Variants in ABCA13 observed in about 807,000 individuals in gnomAD.
The protein encoded by ABCA13 is ATP binding cassette subfamily A member 13.
In ABCA13, 476 loss-of-function variants were observed where a neutral mutation model predicts 478.7. The observed-to-expected ratio is 0.99, with a 90% CI of 0.92 to 1.07. The LOEUF is 1.07. Ranked by LOEUF, ABCA13 falls within the 50% of genes least tolerant of loss-of-function variation. The probability of loss-of-function intolerance (pLI) is 0.00; values close to 1 mark genes in which losing one functional copy is unlikely to be tolerated. For missense variants in ABCA13, 6,060 were observed against 5,910.6 expected, an observed-to-expected ratio of 1.03 and a Z score of -0.83; for synonymous variants, 2,252 against 2,158.9, an observed-to-expected ratio of 1.04 and a Z score of -1.20.
At chr7:48,622,441 C>G (rs1793229205) in intron 59 of ABCA13, among the ~76,000 whole-genome samples, 1 of 152,076 alleles carries the variant, frequency 6.6e-6, no homozygotes, top group South Asian at 2.1e-4. Flanking sequence ...TTCTCTTCTC[C>G]CCTTTTACTC....
At chr7:48,560,865 A>C (rs1258209225) in intron 55 of ABCA13, among the ~76,000 whole-genome samples, 1 of 152,008 alleles carries the variant, frequency 6.6e-6, no homozygotes, top group African/African-American at 2.4e-5. Flanking sequence ...GATTCTCTTC[A>C]CCATTCAGTC....
At chr7:48,323,575 T>C (rs1803844475) in intron 27 of ABCA13, among the ~76,000 whole-genome samples, 1 of 152,196 alleles carries the variant, frequency 6.6e-6, no homozygotes, top group African/African-American at 2.4e-5. Flanking sequence ...GTGGATTATC[T>C]CATGTATGCC....
At chr7:48,500,165 C>T (rs547149114) in intron 48 of ABCA13, among the ~76,000 whole-genome samples, 127 of 152,332 alleles carry the variant, frequency 8.3e-4, no homozygotes, top group Non-Finnish European at 1.5e-3. Flanking sequence ...GGCTCCATCA[C>T]GTCTCGTAGG....
chr7:48,297,789 T>TC (rs1464892300), intron 22 of ABCA13, among the ~76,000 whole-genome samples: 6 of 151,146 alleles, frequency 4.0e-5, no homozygotes, highest in African/African-American at 1.5e-4. Flanking sequence ...TTTCTTTCTT[T>TC]TTTTTTTTTT....
chr7:48,401,423 G>A (rs1157636377), intron 38 of ABCA13, among the ~76,000 whole-genome samples: 1 of 152,152 alleles, frequency 6.6e-6, no homozygotes, highest in Non-Finnish European at 1.5e-5. Context: ...ACCTCTCCAA[G>A]ACCAATAACT....
chr7:48,448,012 C>T (rs929583273), intron 42 of ABCA13, among the ~76,000 whole-genome samples: 5 of 152,034 alleles, frequency 3.3e-5, no homozygotes, highest in South Asian at 2.1e-4. Flanking sequence ...CAGATGCCAC[C>T]GTAAGGGCTC....
intron 32 of ABCA13, among the ~76,000 whole-genome samples, chr7:48,370,137 T>G (rs1377309492): frequency 6.6e-6 from 1 of 152,182 alleles, no homozygotes; most frequent in Non-Finnish European, 1.5e-5. Context: ...AAGTATTTTA[T>G]TTTATTTTTT....
chr7:48,465,034 GATCTGCCCA>G (rs1403774425), intron 43 of ABCA13, among the ~76,000 whole-genome samples: 1 of 152,150 alleles, frequency 6.6e-6, no homozygotes, highest in Non-Finnish European at 1.5e-5. Flanking sequence ...CTCAAAAGCA[GATCTGCCCA>G]ATCAAACAGT....
chr7:48,342,283 C>T (rs1807360043), intron 29 of ABCA13, among the ~76,000 whole-genome samples: 1 of 152,070 alleles, frequency 6.6e-6, no homozygotes, highest in South Asian at 2.1e-4. Context: ...TTGTTGGGTG[C>T]CGTCTTGAGC....
intron 59 of ABCA13, among the ~76,000 whole-genome samples, chr7:48,636,404 T>C (rs1007343645): frequency 3.3e-5 from 5 of 152,234 alleles, no homozygotes; most frequent in Admixed American, 1.3e-4. Context: ...AAAGATTCAC[T>C]GTCTTGATTC....
At chr7:48,303,357 A>T (rs1031006302) in intron 23 of ABCA13, among the ~76,000 whole-genome samples, 1 of 151,740 alleles carries the variant, frequency 6.6e-6, no homozygotes, top group African/African-American at 2.4e-5. Context: ...CCATTTTTCA[A>T]TTTTTGCTTT....
chr7:48,618,183 T>C (rs970407691), intron 59 of ABCA13, among the ~76,000 whole-genome samples: 7 of 152,112 alleles, frequency 4.6e-5, no homozygotes, highest in African/African-American at 1.7e-4. Flanking sequence ...TGTCTTTCCT[T>C]CCCACCCTCT....
chr7:48,308,055 C>A (rs1316668789), intron 23 of ABCA13, among the ~76,000 whole-genome samples: 3 of 152,168 alleles, frequency 2.0e-5, no homozygotes. Context: ...AAATACATTG[C>A]ACAGCTGTAC....
chr7:48,199,546 T>G (rs1165251521), intron 3 of ABCA13, among the ~76,000 whole-genome samples: 1 of 152,190 alleles, frequency 6.6e-6, no homozygotes, highest in Non-Finnish European at 1.5e-5. Context: ...AGGGGTTATG[T>G]TTCAACGTAA....
At chr7:48,422,002 A>G (rs1174651436) in intron 41 of ABCA13, among the ~76,000 whole-genome samples, 1 of 133,302 alleles carries the variant, frequency 7.5e-6, no homozygotes, top group African/African-American at 2.8e-5. Context: ...AACCTGCCCC[A>G]CTTCAGCTGC....
At chr7:48,239,144 G>C in intron 8 of ABCA13, 97 bp from the exon 9 acceptor site, 2 of 1,305,526 alleles carry the variant, frequency 1.5e-6, no homozygotes, top group Non-Finnish European at 2.1e-6. Context: ...GCAAATGTAA[G>C]AACTTTTACT....
At chr7:48,388,781 A>G (rs1331315710) in intron 36 of ABCA13, among the ~76,000 whole-genome samples, 1 of 152,140 alleles carries the variant, frequency 6.6e-6, no homozygotes, top group African/African-American at 2.4e-5. Context: ...ACAAAAATAC[A>G]TGTGTGTGTT....
rs1812756031 is a variant in ABCA13, at chr7:48,372,292, C to T, written c.10928C>T (p.Ala3643Val). ...GTTCTGAAAACAAGTGGCATCTTTG[C>T]ACACAGCAATACCTTTATTGTTTTC... ...AIVLKTSGIF[A>V]HSNTFIVFLF... Residue 3643 changes from alanine to valine, a missense_variant, in exon 33 of 62, where the codon GCA becomes GTA. Physicochemically the swap from Ala to Val is moderately conservative, Grantham distance 64. Coordinates refer to ENST00000435803, the MANE Select transcript of ABCA13 (RefSeq NM_152701.5). 1 of 1,613,912 alleles carries T rather than the reference C, an allele frequency of 6.2e-7. No individual in the cohort carries two copies. Among genetic ancestry groups the T allele is most frequent in the East Asian group, 2.2e-5 (1 of 44,880 alleles).
rs762368598 is a variant in ABCA13 at position 48,216,436 on chromosome 7, ATTAT to A, written c.288-2915_288-2912del. 5.9e-5 allele frequency among the ~76,000 whole-genome samples: 9 copies of A among 151,932 alleles called. No individual in the cohort carries two copies. In the East Asian group the frequency reaches 1.2e-3, roughly 20 times the overall value. ...AAATCTTTTGCCCATTTTAAATTGGATTATTTGTCTTTTTATTATAAAGTTGTAA... is the reference window on the plus strand; with the variant it reads ...AAATCTTTTGCCCATTTTAAATTGGATTGTCTTTTTATTATAAAGTTGTAA... On this transcript the variant is annotated intron_variant, in intron 3 of 61. Transcript: ENST00000435803.
Sources: allele counts gnomAD v4.1 joint callset (sites outside exome capture counted in the v4.1 genomes callset), GRCh38; gene constraint gnomAD v4.1.1; transcripts MANE v1.5; gene names NCBI Gene and HGNC (gene_info 2026-07-23, HGNC 2026-07-21).